Variants in SMAD6 observed in about 807,000 individuals in gnomAD.
SMAD6 encodes the protein MAD homolog 6.
Under a neutral mutation model 39.4 loss-of-function variants are expected in SMAD6, and 103 were observed. The ratio of observed to expected loss-of-function variants is 2.62; its 90% CI spans 2.23 to 3.08. The LOEUF (loss-of-function observed/expected upper bound fraction) is 3.08, where lower values mean the gene tolerates loss of function less well. Among genes scored for constraint, SMAD6 ranks in the 30% most tolerant of loss-of-function variants. The pLI is 0.00. For synonymous variants in SMAD6, 445 were observed against 353.3 expected (o/e 1.26, Z -2.91); for missense variants, 1,104 against 742.9 (o/e 1.49, Z -5.65).
At chr15:66,776,310 CTG>C (rs1393887228) in intron 3 of SMAD6, among the ~76,000 whole-genome samples, 1 of 152,236 alleles carries the variant, frequency 6.6e-6, no homozygotes, top group African/African-American at 2.4e-5. Flanking sequence ...AAGGCCAACA[CTG>C]GAGCCCGTAA....
intron 3 of SMAD6, among the ~76,000 whole-genome samples, chr15:66,760,440 T>C (rs1894178398): frequency 6.6e-6 from 1 of 152,190 alleles, no homozygotes; most frequent in African/African-American, 2.4e-5. Flanking sequence ...TAAGAACATC[T>C]ATGTTGTAGG....
chr15:66,736,023 A>G (rs375195729), intron 3 of SMAD6, among the ~76,000 whole-genome samples: 260 of 152,298 alleles, frequency 1.7e-3, no homozygotes, highest in Middle Eastern at 3.4e-3. Flanking sequence ...TTCCTAAAAA[A>G]TAAAAAACCT....
chr15:66,713,901 A>G (rs1893278660), intron 2 of SMAD6, among the ~76,000 whole-genome samples: 1 of 152,220 alleles, frequency 6.6e-6, no homozygotes, highest in Admixed American at 6.5e-5. Flanking sequence ...CTTGTCACTT[A>G]AGAGATGAAG....
At chr15:66,704,688 C>T (rs570913408) in intron 1 of SMAD6, 2 of 152,426 alleles carry the variant, frequency 1.3e-5, no homozygotes, top group Admixed American at 6.5e-5. Context: ...CCCCACATCC[C>T]TTGGGTGTCA....
At chr15:66,774,410 G>A (rs1894430446) in intron 3 of SMAD6, among the ~76,000 whole-genome samples, 1 of 152,206 alleles carries the variant, frequency 6.6e-6, no homozygotes, top group African/African-American at 2.4e-5. Context: ...CCTGGGCAGA[G>A]AGGCGTAGAG....
chr15:66,749,950 CCT>C (rs1893972688), intron 3 of SMAD6, among the ~76,000 whole-genome samples: 3 of 152,226 alleles, frequency 2.0e-5, no homozygotes, highest in African/African-American at 7.2e-5. Flanking sequence ...AATCATGTGT[CCT>C]CAGCACGTTT....
chr15:66,728,353 A>G lies in SMAD6; in HGVS notation c.952+11855A>G, dbSNP rs184643738. Among the ~76,000 whole-genome samples, 185 of 152,216 alleles carry G rather than the reference A, an allele frequency of 1.2e-3. 2 individuals carry two copies. The highest frequency in any genetic ancestry group is 4.4e-3 in the African/African-American group (181 of 41,524). ...AGGCATACCTTGTTGGCTTTTTGGA[A>G]TATAGCTTCTTTAACTCAACAGAAT... On this transcript the variant is annotated intron_variant, in intron 3 of 3. Coordinates refer to ENST00000288840, the MANE Select transcript of SMAD6 (RefSeq NM_005585.5).
At chr15:66,750,518 A>G (rs58384527) in intron 3 of SMAD6, among the ~76,000 whole-genome samples, 4,785 of 152,266 alleles carry the variant, frequency 0.031, 466 homozygotes, top group East Asian at 0.23. Context: ...AGTGCTTCCC[A>G]TCTTTTGAGG....
At chr15:66,718,751 C>G (rs957863688) in intron 3 of SMAD6, among the ~76,000 whole-genome samples, 2 of 152,056 alleles carry the variant, frequency 1.3e-5, no homozygotes, top group African/African-American at 4.8e-5. Context: ...ACTGGGAGCC[C>G]AAAGACATGG....
chr15:66,724,189 G>T (rs556809684), intron 3 of SMAD6, among the ~76,000 whole-genome samples: 3 of 152,246 alleles, frequency 2.0e-5, no homozygotes, highest in South Asian at 4.1e-4. Context: ...GCTGATCATG[G>T]TCATGGATAC....
chr15:66,771,962 G>T (rs1390161072), intron 3 of SMAD6, among the ~76,000 whole-genome samples: 1 of 152,120 alleles, frequency 6.6e-6, no homozygotes, highest in African/African-American at 2.4e-5. Flanking sequence ...AGCTGTTAAG[G>T]TGTGATATTT....
intron 3 of SMAD6, among the ~76,000 whole-genome samples, chr15:66,720,436 C>G (rs1344905976): frequency 6.6e-6 from 1 of 152,118 alleles, no homozygotes; most frequent in Non-Finnish European, 1.5e-5. Context: ...CCAGGCCGGG[C>G]TGGGTGAGCT....
At chr15:66,750,832 T>C (rs1893992063) in intron 3 of SMAD6, among the ~76,000 whole-genome samples, 1 of 152,158 alleles carries the variant, frequency 6.6e-6, no homozygotes, top group African/African-American at 2.4e-5. Context: ...CCACTCCTGG[T>C]GCATCTGTTC....
At chr15:66,730,967 G>A (rs75033273) in intron 3 of SMAD6, among the ~76,000 whole-genome samples, 1 of 152,202 alleles carries the variant, frequency 6.6e-6, no homozygotes, top group African/African-American at 2.4e-5. Flanking sequence ...CAGAGACTGG[G>A]TGGAGAAATG....
intron 3 of SMAD6, among the ~76,000 whole-genome samples, chr15:66,779,948 G>A (rs1894529338): frequency 6.6e-6 from 1 of 152,234 alleles, no homozygotes; most frequent in African/African-American, 2.4e-5. Context: ...AGAGCAGGGA[G>A]CACCCTGGCC....
chr15:66,727,666 T>G (rs919567091), intron 3 of SMAD6, among the ~76,000 whole-genome samples: 1 of 152,180 alleles, frequency 6.6e-6, no homozygotes, highest in Non-Finnish European at 1.5e-5. Flanking sequence ...TTCTATCTGG[T>G]AGGTTAGGGA....
chr15:66,728,131 G>A lies in SMAD6; in HGVS notation c.952+11633G>A, dbSNP rs779593605. ...GCCTCCCAAAGTGCTGGGATTACTGGCGTGAGCCACACCACGCCTGGCCAA... is the reference window on the plus strand; with the variant it reads ...GCCTCCCAAAGTGCTGGGATTACTGACGTGAGCCACACCACGCCTGGCCAA... On this transcript the variant is annotated intron_variant, in intron 3 of 3. Coordinates refer to ENST00000288840, the MANE Select transcript of SMAD6 (RefSeq NM_005585.5). 2.0e-5 allele frequency among the ~76,000 whole-genome samples: 3 copies of A among 152,264 alleles called. No homozygotes were observed. In the South Asian group the frequency reaches 6.2e-4, roughly 32 times the overall value.
At chr15:66,765,468 C>T (rs1894272484) in intron 3 of SMAD6, among the ~76,000 whole-genome samples, 1 of 152,214 alleles carries the variant, frequency 6.6e-6, no homozygotes, top group Admixed American at 6.5e-5. Flanking sequence ...CGTGATCTGC[C>T]TGCCTTGGCC....
intron 3 of SMAD6, among the ~76,000 whole-genome samples, chr15:66,766,714 C>G (rs1894294731): frequency 6.6e-6 from 1 of 152,174 alleles, no homozygotes; most frequent in Non-Finnish European, 1.5e-5. Context: ...ACCCCCTCCT[C>G]TCACCTATCA....
Sources: gnomAD v4.1 joint callset for allele counts (sites outside exome capture counted in the v4.1 genomes callset) on GRCh38, gnomAD v4.1.1 for gene constraint, MANE v1.5 for transcripts, NCBI Gene and HGNC (gene_info 2026-07-23, HGNC 2026-07-21) for gene names.